The following IL18RAP variants were observed in gnomAD, a reference collection of about 807,000 sequenced individuals.
IL18RAP encodes the protein interleukin-18 receptor accessory protein.
IL18RAP carries 37 observed loss-of-function variants against 58.1 expected under a neutral mutation model. The ratio of observed to expected loss-of-function variants is 0.64; its 90% CI spans 0.49 to 0.84. IL18RAP has a LOEUF of 0.84. IL18RAP is among the 40% of genes least tolerant of loss of function. The probability of loss-of-function intolerance (pLI) is 0.00; values close to 1 mark genes in which losing one functional copy is unlikely to be tolerated. For synonymous variants in IL18RAP, 268 were observed against 257.5 expected (o/e 1.04, Z -0.39); for missense variants, 667 against 704.8 (o/e 0.95, Z 0.61).
upstream of IL18RAP, among the ~76,000 whole-genome samples, chr2:102,420,518 A>G (rs1681508621): frequency 6.6e-6 from 1 of 152,192 alleles, no homozygotes; most frequent in Non-Finnish European, 1.5e-5. Flanking sequence ...AGTAGGCAGT[A>G]TCTGTCATCT....
intron 3 of IL18RAP, among the ~76,000 whole-genome samples, chr2:102,425,691 G>A (rs1573263715): frequency 6.6e-6 from 1 of 151,954 alleles, no homozygotes; most frequent in Non-Finnish European, 1.5e-5. Flanking sequence ...TTGGTGGGCT[G>A]TTCTCAGGCC....
chr2:102,437,434 A>C, intron 4 of IL18RAP, 72 bp downstream of exon 4: 1 of 1,476,754 alleles, frequency 6.8e-7, no homozygotes, highest in Non-Finnish European at 9.2e-7. Flanking sequence ...TGGCTTAGTA[A>C]GTTTTTCCTC....
intron 4 of IL18RAP, among the ~76,000 whole-genome samples, chr2:102,438,051 T>C (rs1161373356): frequency 6.6e-6 from 1 of 152,234 alleles, no homozygotes; most frequent in Non-Finnish European, 1.5e-5. Flanking sequence ...GCTTTGTTTT[T>C]ATTTGTTTCT....
chr2:102,436,853 T>G (rs1682781556), intron 3 of IL18RAP, among the ~76,000 whole-genome samples: 1 of 149,254 alleles, frequency 6.7e-6, no homozygotes, highest in Non-Finnish European at 1.5e-5. Context: ...ACACACACAT[T>G]AAAAAATTCA....
At chr2:102,436,547 G>A (rs988650309) in intron 3 of IL18RAP, among the ~76,000 whole-genome samples, 7 of 151,990 alleles carry the variant, frequency 4.6e-5, no homozygotes, top group South Asian at 2.1e-4. Context: ...GGGATGTGGC[G>A]TGGGGGAATC....
chr2:102,423,220 ACT>A lies in IL18RAP; in HGVS notation c.-55_-54del, dbSNP rs1456774244. The stretch of plus-strand genomic sequence containing the variant: ...AGGGCAGAGTTCTGAATCTCAAAAC[ACT>A]CTACTCTGGCAAAGGAATGAAGTTA... On this transcript the variant is annotated 5_prime_UTR_variant, in exon 1 of 10. Coordinates refer to ENST00000687160, the MANE Select transcript of IL18RAP (RefSeq NM_001393487.1). 6.6e-7 allele frequency: 1 copy of A among 1,508,802 alleles called. No homozygotes were observed. 93.5% of individuals were successfully genotyped at this position (1,508,802 alleles called of 1,614,324 possible).
In IL18RAP at chr2:102,447,221, C is replaced by T; in HGVS notation, c.1210+14C>T. ...AGACGCTTGGGGGTAAGTTTACCTC[C>T]ACATGCAGCCCTCTGACTTTTCCTC... is the stretch of plus-strand genomic sequence containing the variant. On this transcript the variant is annotated intron_variant, in intron 8 of 9. Coordinates refer to ENST00000687160, the MANE Select transcript of IL18RAP (RefSeq NM_001393487.1). 1 of 1,611,094 alleles carries T rather than the reference C, an allele frequency of 6.2e-7. No homozygotes were observed. The highest frequency in any genetic ancestry group is 8.5e-7 in the Non-Finnish European group (1 of 1,178,360).
Position 102,452,204 on chromosome 2 carries a change from A to T in IL18RAP, c.*23A>T. On this transcript the variant is annotated 3_prime_UTR_variant, in exon 10 of 10. Transcript: ENST00000687160. ...TGAAATGAGCCCTGGAGCCCCCTCC[A>T]GTCCAGTCCCTGGGATAGAGATGTT... 6.4e-7 allele frequency: 1 copy of T among 1,565,174 alleles called. No homozygotes were observed. Among genetic ancestry groups the T allele is most frequent in the African/African-American group, 1.4e-5 (1 of 73,122 alleles).
At chr2:102,446,500 T>G (rs1573300880) in intron 7 of IL18RAP, among the ~76,000 whole-genome samples, 1 of 152,302 alleles carries the variant, frequency 6.6e-6, no homozygotes, top group Middle Eastern at 3.4e-3. Context: ...ATTATTCTTA[T>G]GCCTTTGCGT....
In IL18RAP at chr2:102,445,059, G is replaced by T; in HGVS notation, c.921-130G>T. ...CTTTTTGACCATCTTACATTCTCGT[G>T]GTATCTTATACTATTGATCTCACAG... On this transcript the variant is annotated intron_variant, in intron 6 of 9. Transcript: ENST00000687160. 5 of 667,332 alleles carry T rather than the reference G, an allele frequency of 7.5e-6. No homozygotes were observed. The South Asian group carries it at 8.1e-5, about 11-fold the overall frequency. 41.3% of individuals were successfully genotyped at this position (667,332 alleles called of 1,614,324 possible).
chr2:102,444,159 C>T (rs1410360489), intron 6 of IL18RAP, among the ~76,000 whole-genome samples: 1 of 152,168 alleles, frequency 6.6e-6, no homozygotes, highest in Non-Finnish European at 1.5e-5. Flanking sequence ...AATGCAATAT[C>T]ATTTTGAAAA....
chr2:102,430,649 C>T (rs1682283803), intron 3 of IL18RAP, among the ~76,000 whole-genome samples: 1 of 151,926 alleles, frequency 6.6e-6, no homozygotes, highest in Non-Finnish European at 1.5e-5. Flanking sequence ...TAGTATCTTC[C>T]TTTGTGTCTT....
Position 102,445,296 on chromosome 2 carries a change from T to C in IL18RAP, c.1028T>C (p.Ile343Thr), listed in dbSNP as rs757617507. ...RKFVCFVQNSIGNTTQSVQLK... is the reference protein window; with the variant it reads ...RKFVCFVQNSTGNTTQSVQLK... ...TTTGTTTGCTTTGTCCAGAACTCCA[T>C]TGGAAACACAACCCAGTCCGTCCAA... The change falls in exon 7 of 10, where the codon ATT becomes ACT. Residue 343 changes from isoleucine (I) to threonine (T), a missense_variant. By Grantham distance (89) the Ile-to-Thr change is moderately conservative (BLOSUM62 -1). Coordinates refer to ENST00000687160, the MANE Select transcript of IL18RAP (RefSeq NM_001393487.1). 6.2e-6 allele frequency: 10 copies of C among 1,614,068 alleles called. No homozygotes were observed. Among genetic ancestry groups the C allele is most frequent in the South Asian group, 3.3e-5 (3 of 91,092 alleles).
chr2:102,435,235 T>G (rs1426337966), intron 3 of IL18RAP: 1 of 152,190 alleles, frequency 6.6e-6, no homozygotes, highest in Non-Finnish European at 1.5e-5. Context: ...GTTCTCATGA[T>G]GGTTATGGGG....
rs748318174 is a variant in IL18RAP, at chr2:102,443,321, A to T, written c.918A>T (p.Lys306Asn). ...GGGAAGTCTCAGTACCTGAGGCGAA[A>T]AGGTAAGAAAAAAACTCACGGATTC... ...LEWEVSVPEA[K>N]SIKSTLKDEI... Residue 306 changes from lysine (K) to asparagine (N), a missense_variant and splice_region_variant, in exon 6 of 10, where the codon AAA becomes AAT. Lys to Asn is a moderately conservative substitution (Grantham distance 94, BLOSUM62 0). Transcript: ENST00000687160. 1.9e-6 allele frequency: 3 copies of T among 1,611,634 alleles called. No individual in the cohort carries two copies. Among genetic ancestry groups the T allele is most frequent in the Admixed American group, 3.4e-5 (2 of 59,276 alleles).
At chr2:102,427,574 C>G (rs1243151387) in intron 3 of IL18RAP, among the ~76,000 whole-genome samples, 5 of 151,970 alleles carry the variant, frequency 3.3e-5, no homozygotes, top group Non-Finnish European at 5.9e-5. Context: ...TATTTGTTTT[C>G]TTGCTAATGC....
At chr2:102,422,078 C>G (rs1681609702), upstream of IL18RAP, among the ~76,000 whole-genome samples, 1 of 152,098 alleles carries the variant, frequency 6.6e-6, no homozygotes, top group African/African-American at 2.4e-5. Flanking sequence ...AGGCGTGGTT[C>G]TTCCCCGCTT....
At position 102,452,241 on chromosome 2, in the gene IL18RAP, C is replaced by T. The variant is rs1683819633; in HGVS notation, c.*60C>T. On this transcript the variant is annotated 3_prime_UTR_variant, in exon 10 of 10. Coordinates refer to ENST00000687160, the MANE Select transcript of IL18RAP (RefSeq NM_001393487.1). ...GGGATAGAGATGTTGCTGGACAGAA[C>T]TCACAGCTCTGTGTGTGTGTGTTCA... 11 of 1,450,008 alleles carry T rather than the reference C, an allele frequency of 7.6e-6. No individual in the cohort carries two copies. The highest frequency in any genetic ancestry group is 1.9e-4 in the Middle Eastern group (1 of 5,342). 89.8% of individuals were successfully genotyped at this position (1,450,008 alleles called of 1,614,324 possible).
chr2:102,435,203 G>T (rs781040480), intron 3 of IL18RAP: 2 of 152,204 alleles, frequency 1.3e-5, no homozygotes, highest in Non-Finnish European at 2.9e-5. Context: ...ATTAGGACTA[G>T]AATGGAAATA....
Sources: allele counts gnomAD v4.1 joint callset (sites outside exome capture counted in the v4.1 genomes callset), GRCh38; gene constraint gnomAD v4.1.1; transcripts MANE v1.5; gene names NCBI Gene and HGNC (gene_info 2026-07-23, HGNC 2026-07-21).